SACS: variants seen among roughly 807,000 people sequenced by gnomAD.
SACS encodes the protein sacsin.
Under a neutral mutation model 348.0 loss-of-function variants are expected in SACS, and 197 were observed. The ratio of observed to expected loss-of-function variants is 0.57; its 90% CI spans 0.50 to 0.64. The LOEUF is 0.64. Among genes scored for constraint, SACS ranks in the 30% least tolerant of loss-of-function variants. The pLI is 0.00. For synonymous variants in SACS, 1,985 were observed against 1,910.6 expected (o/e 1.04, Z -1.02); for missense variants, 4,999 against 5,360.8 (o/e 0.93, Z 2.11).
At chr13:23,352,516 G>C (rs1220794480) in intron 9 of SACS, among the ~76,000 whole-genome samples, 1 of 152,146 alleles carries the variant, frequency 6.6e-6, no homozygotes, top group South Asian at 2.1e-4. Flanking sequence ...TCTGCGTTCT[G>C]ATCTAGGTTT....
In SACS at chr13:23,332,035, G is replaced by A. The variant is rs759055631; in HGVS notation, c.11841C>T (p.Ser3947=). The A allele has an allele frequency of 3.7e-6, 6 of 1,613,946 alleles. No individual in the cohort carries two copies. The highest frequency in any genetic ancestry group is 5.1e-6 in the Non-Finnish European group (6 of 1,179,972). Residue 3947 remains serine, a synonymous_variant, in exon 10 of 10, where the codon AGC becomes AGT. Coordinates refer to ENST00000382292, the MANE Select transcript of SACS (RefSeq NM_014363.6). ...CATGGTCTTTCCCTAAGTAGCACTG[G>A]CTGAGATCAACTAACATTTGCACAC... ...NIGVQMLVDL[S]QCYLGKDHGF... is the part of the protein sequence containing the mutation.
chr13:23,375,576 T>C, intron 2 of SACS: 1 of 1,029,024 alleles, frequency 9.7e-7, no homozygotes, highest in Non-Finnish European at 1.2e-6. Flanking sequence ...CCCGGCCCAC[T>C]CCCGGCCCTG....
chr13:23,369,663 G>A (rs1871265511), intron 4 of SACS, among the ~76,000 whole-genome samples: 1 of 151,582 alleles, frequency 6.6e-6, no homozygotes, highest in Non-Finnish European at 1.5e-5. Context: ...CCCTGCCTCA[G>A]CCTCCTGAGT....
At chr13:23,411,098 T>G (rs1593178707) in intron 2 of SACS, 122 bp downstream of exon 2, 18 of 780,436 alleles carry the variant, frequency 2.3e-5, no homozygotes, top group Non-Finnish European at 2.2e-6. Flanking sequence ...ATATGGATGG[T>G]TAGTTCACTT....
In SACS at chr13:23,335,075, A is replaced by G; in HGVS notation, c.8801T>C (p.Phe2934Ser). 1 of 1,613,520 alleles carries G rather than the reference A, an allele frequency of 6.2e-7. No homozygotes were observed. ...TGATAATGTTGGATCAGAACCAGGG[A>G]AATACCGTTTTTTTAACTGTATTAG... ...ELLIQLKKRY[F>S]PGSDPTLSVL... Residue 2934 changes from phenylalanine to serine, a missense_variant, in exon 10 of 10, where the codon TTC (phenylalanine) becomes TCC (serine). Phe to Ser is a radical substitution (Grantham distance 155, BLOSUM62 -2). Coordinates refer to ENST00000382292, the MANE Select transcript of SACS (RefSeq NM_014363.6). The surrounding 1 kb of genome is among the most constrained non-coding windows in gnomAD (Gnocchi z 4.7).
chr13:23,363,562 A>T (rs1870876262), intron 6 of SACS, among the ~76,000 whole-genome samples: 1 of 152,230 alleles, frequency 6.6e-6, no homozygotes, highest in Admixed American at 6.5e-5. Context: ...TAAAGAGCCT[A>T]TCTCTAAATA....
rs778987345 is a variant in SACS, at chr13:23,368,457, A to G, written c.290T>C (p.Val97Ala). 2.5e-6 allele frequency: 4 copies of G among 1,613,110 alleles called. No homozygotes were observed. The highest frequency in any genetic ancestry group is 2.2e-5 in the South Asian group (2 of 90,838). Residue 97 changes from valine (V) to alanine (A), a missense_variant, in exon 5 of 10, where the codon GTT becomes GCT. Around this residue, in one of 6 missense-constraint regions of SACS, gnomAD observed 3,156 missense variants for 3,380.1 expected, o/e 0.93. Coordinates refer to ENST00000382292, the MANE Select transcript of SACS (RefSeq NM_014363.6). ...GRFGQTTPPL[V>A]DFLKDILRRY... ...TCTCAAAATGTCCTTGAGAAAATCA[A>G]CAAGTGGTGGCGTTGTCTGACCAAA...
intron 2 of SACS, among the ~76,000 whole-genome samples, chr13:23,378,310 C>T (rs914049661): frequency 4.6e-5 from 7 of 152,042 alleles, no homozygotes; most frequent in African/African-American, 1.7e-4. Flanking sequence ...GTGAGTAATG[C>T]GAGAGGACTT....
chr13:23,421,870 C>A (rs555181961), intron 1 of SACS, among the ~76,000 whole-genome samples: 43 of 152,048 alleles, frequency 2.8e-4, no homozygotes, highest in Admixed American at 1.5e-3. Context: ...TTACCTGGGG[C>A]CTGGACATCC....
At chr13:23,410,611 A>G (rs2137960454) in intron 2 of SACS, among the ~76,000 whole-genome samples, 1 of 152,322 alleles carries the variant, frequency 6.6e-6, no homozygotes, top group African/African-American at 2.4e-5. Flanking sequence ...AATTAATGAA[A>G]GAGTATTTTG....
Position 23,338,178 on chromosome 13 carries a change from A to G in SACS, c.5698T>C (p.Trp1900Arg), listed in dbSNP as rs1419431587. The G allele has an allele frequency of 6.2e-7, 1 of 1,614,150 alleles. No individual in the cohort carries two copies. Among genetic ancestry groups the G allele is most frequent in the East Asian group, 2.2e-5 (1 of 44,884 alleles). ...FAVTSNRKEI[W>R]KTDTKGRWNT... ...CATCGTCCTTTTGTATCTGTTTTCC[A>G]GATTTCTTTCCTATTTGATGTAACA... The change falls in exon 10 of 10, where the codon TGG becomes CGG. Residue 1900 changes from tryptophan to arginine, a missense_variant. Physicochemically the swap from Trp to Arg is moderately radical, Grantham distance 101. Transcript: ENST00000382292.
At position 23,346,629 on chromosome 13, in the gene SACS, GTAA is replaced by G. The variant is rs201309301; in HGVS notation, c.2186-4942_2186-4940del. Reference sequence around the variant, plus strand: ...TGAATATGGTTTTACCGTGGTATTTGTAATAATAAAAATCTGTATTAGTATGGT... The same window carrying G: ...TGAATATGGTTTTACCGTGGTATTTGTAATAAAAATCTGTATTAGTATGGT... On this transcript the variant is annotated intron_variant, in intron 9 of 9. Transcript: ENST00000382292. Among the ~76,000 whole-genome samples the G allele has an allele frequency of 5.1e-3, 774 of 152,266 alleles. 5 individuals are homozygous for G. Among genetic ancestry groups the G allele is most frequent in the Middle Eastern group, 0.037 (11 of 294 alleles).
Position 23,340,109 on chromosome 13 carries a change from TA to T in SACS, c.3766del (p.Tyr1256ThrfsTer8). 6.2e-7 allele frequency: 1 copy of T among 1,613,956 alleles called. No homozygotes were observed. Among genetic ancestry groups the T allele is most frequent in the Non-Finnish European group, 8.5e-7 (1 of 1,179,956 alleles). On this transcript the variant is annotated frameshift_variant, in exon 10 of 10. Coordinates refer to ENST00000382292, the MANE Select transcript of SACS (RefSeq NM_014363.6). LOFTEE classifies it high-confidence loss of function. ...ATTTAGATGATCATGCATGAATCCG[TA>T]AATCTCAAGCAAAATATGCTGGAAT... ...YQFQHILLEI[Y>X]GFMHDHLNEG...
Position 23,340,658 on chromosome 13 carries a change from A to C in SACS, c.3218T>G (p.Phe1073Cys). 6.3e-7 allele frequency: 1 copy of C among 1,598,902 alleles called. No homozygotes were observed. Among genetic ancestry groups the C allele is most frequent in the Non-Finnish European group, 8.5e-7 (1 of 1,175,336 alleles). The change falls in exon 10 of 10, where the codon TTC (phenylalanine) becomes TGC (cysteine). Residue 1073 changes from phenylalanine (F) to cysteine (C), a missense_variant. Physicochemically the swap from Phe to Cys is radical, Grantham distance 205 (BLOSUM62 -2). This residue lies in a region of SACS where 3,156 missense variants were observed against 3,380.1 expected (regional missense o/e 0.93). Transcript: ENST00000382292. ...TGGTGAGGTAAAAACTGAGGGTGGG[A>C]AATAGGTTCCTTCTTCATTACAAAA... ...DLFCNEEGTY[F>C]PPSVFTSPDI...
chr13:23,335,184 G>A lies in SACS; in HGVS notation c.8692C>T (p.Arg2898Cys), dbSNP rs755124887. ...CGAACACCAACTCCATTATCATCAC[G>A]CCACAGGTTCCTTCTGGCTGAATCC... ...ALDSARRNLW[R>C]DDNGVGVRSD... is the part of the protein sequence containing the mutation. The change falls in exon 10 of 10, where the codon CGT (arginine) becomes TGT (cysteine). Residue 2898 changes from arginine (R) to cysteine (C), a missense_variant. By Grantham distance (180) the Arg-to-Cys change is radical. Coordinates refer to ENST00000382292, the MANE Select transcript of SACS (RefSeq NM_014363.6). This position sits in a 1 kb window ranked among gnomAD's most constrained non-coding sequence, Gnocchi z 4.7. 5 of 1,613,828 alleles carry A rather than the reference G, an allele frequency of 3.1e-6. No individual in the cohort carries two copies. The Admixed American group carries it at 6.7e-5, about 22-fold the overall frequency.
chr13:23,370,842 T>C (rs1326899165), intron 4 of SACS, among the ~76,000 whole-genome samples: 1 of 152,128 alleles, frequency 6.6e-6, no homozygotes, highest in Admixed American at 6.5e-5. Flanking sequence ...AGGCACCTGT[T>C]TTCCCAGCTA....
At position 23,336,898 on chromosome 13, in the gene SACS, G is replaced by A; in HGVS notation, c.6978C>T (p.Ala2326=). 1.9e-6 allele frequency: 3 copies of A among 1,613,502 alleles called. No homozygotes were observed. Among genetic ancestry groups the A allele is most frequent in the Non-Finnish European group, 2.5e-6 (3 of 1,179,574 alleles). ...TNACYKYLHE[A]LMQNEITKMS... ...TCTTAGTGATTTCATTTTGCATCAA[G>A]GCTTCATGAAGGTATTTGTAGCAAG... Residue 2326 remains alanine (A), a synonymous_variant, in exon 10 of 10, where the codon GCC becomes GCT. Coordinates refer to ENST00000382292, the MANE Select transcript of SACS (RefSeq NM_014363.6).
intron 2 of SACS, among the ~76,000 whole-genome samples, chr13:23,409,639 T>C (rs1873403588): frequency 6.6e-6 from 1 of 152,230 alleles, no homozygotes; most frequent in South Asian, 2.1e-4. Flanking sequence ...TGGTTTTATA[T>C]AAACCAGCCT....
chr13:23,396,577 C>T (rs914219274), intron 2 of SACS, among the ~76,000 whole-genome samples: 2 of 151,792 alleles, frequency 1.3e-5, no homozygotes, highest in African/African-American at 2.4e-5. Flanking sequence ...ATAAATTTAA[C>T]CTAAGAACAA....
Sources: gnomAD v4.1 joint callset for allele counts (sites outside exome capture counted in the v4.1 genomes callset) on GRCh38, gnomAD v4.1.1 for gene constraint, gnomAD v4.1.1 regional missense constraint, Gnocchi (gnomAD v3.1) non-coding constraint, MANE v1.5 for transcripts, NCBI Gene and HGNC (gene_info 2026-07-23, HGNC 2026-07-21) for gene names.